FKBP5: variants seen among roughly 807,000 people sequenced by gnomAD.
FKBP5 encodes the protein FKBP prolyl isomerase 5.
In FKBP5, 23 loss-of-function variants were observed where a neutral mutation model predicts 50.5. The ratio of observed to expected loss-of-function variants is 0.46; its 90% CI spans 0.33 to 0.65. The LOEUF (loss-of-function observed/expected upper bound fraction) is 0.65. Among genes scored for constraint, FKBP5 ranks in the 30% least tolerant of loss-of-function variants. The pLI is 0.02. For synonymous variants in FKBP5, 176 were observed against 190.6 expected (o/e 0.92, Z 0.63); for missense variants, 411 against 553.1 (o/e 0.74, Z 2.58).
At chr6:35,659,657 G>T (rs1314614255) in intron 1 of FKBP5, among the ~76,000 whole-genome samples, 1 of 84,972 alleles carries the variant, frequency 1.2e-5, no homozygotes, top group Non-Finnish European at 2.7e-5. Flanking sequence ...GCTGTCTAAT[G>T]TATTACTATA....
Position 35,637,805 on chromosome 6 carries a change from C to T in FKBP5, c.106-647G>A, listed in dbSNP as rs553221021. On this transcript the variant is annotated intron_variant, in intron 2 of 10. Coordinates refer to ENST00000357266, the MANE Select transcript of FKBP5 (RefSeq NM_004117.4). ...GCTTGTGAGCTAGTCCATATACACA[C>T]GGACTTAGACCAGAAAGAATGGTGG... Among the ~76,000 whole-genome samples, 48 of 152,226 alleles carry T rather than the reference C, an allele frequency of 3.2e-4. No individual in the cohort carries two copies. In the East Asian group the frequency reaches 3.9e-3, roughly 12 times the overall value.
At chr6:35,712,576 C>A (rs1440586396) in intron 2 of FKBP5, among the ~76,000 whole-genome samples, 1 of 152,134 alleles carries the variant, frequency 6.6e-6, no homozygotes, top group Non-Finnish European at 1.5e-5. Context: ...CACTACCTGC[C>A]CCTTCACAGC....
At chr6:35,687,062 G>T (rs1270427855) in intron 1 of FKBP5, among the ~76,000 whole-genome samples, 1 of 152,002 alleles carries the variant, frequency 6.6e-6, no homozygotes, top group African/African-American at 2.4e-5. Context: ...TAATTACCTA[G>T]GCAAATAAGT....
At chr6:35,628,944 TA>T (rs1371851674) in intron 3 of FKBP5, among the ~76,000 whole-genome samples, 23 of 152,314 alleles carry the variant, frequency 1.5e-4, no homozygotes, top group Middle Eastern at 3.4e-3. Context: ...CTTGAACTTC[TA>T]AACTCAGGTG....
At chr6:35,588,127 G>GTGAT (rs1762671537) in intron 7 of FKBP5, among the ~76,000 whole-genome samples, 1 of 151,714 alleles carries the variant, frequency 6.6e-6, no homozygotes, top group Admixed American at 6.6e-5. Flanking sequence ...CCGGGTTCAA[G>GTGAT]TGATTCTCCT....
chr6:35,716,861 G>T (rs1376729389), intron 2 of FKBP5, among the ~76,000 whole-genome samples: 1 of 152,152 alleles, frequency 6.6e-6, no homozygotes, highest in South Asian at 2.1e-4. Context: ...ATCAACCTTG[G>T]GATTGAGCCC....
chr6:35,637,247 T>A (rs1209321464), intron 2 of FKBP5, 89 bp from the exon 3 acceptor site: 1 of 1,130,962 alleles, frequency 8.8e-7, no homozygotes, highest in Non-Finnish European at 1.3e-6. Context: ...TCCCAAGACA[T>A]CCAGGCAGAT....
chr6:35,595,699 G>C (rs564165989), intron 6 of FKBP5, among the ~76,000 whole-genome samples: 399 of 152,000 alleles, frequency 2.6e-3, no homozygotes, highest in African/African-American at 8.5e-3. Context: ...TACAGTGAGC[G>C]TGACTGTGCC....
At chr6:35,717,065 C>T (rs987886177) in intron 2 of FKBP5, among the ~76,000 whole-genome samples, 12 of 152,144 alleles carry the variant, frequency 7.9e-5, no homozygotes, top group Non-Finnish European at 1.5e-4. Context: ...CTTACCCCAC[C>T]CCCCGCCATC....
rs7762668 is a variant in FKBP5, at chr6:35,611,745, G to A, written c.508+7351C>T. 6.4e-3 allele frequency among the ~76,000 whole-genome samples: 973 copies of A among 152,214 alleles called. 9 individuals are homozygous for A. Among genetic ancestry groups the A allele is most frequent in the African/African-American group, 0.022 (923 of 41,528 alleles). On this transcript the variant is annotated intron_variant, in intron 5 of 10. Transcript: ENST00000357266. ...CATCTTAACTGACACAAGAAAAAGC[G>A]TAGGGGGACAGATTCTAAAAACTGA...
At chr6:35,608,715 C>T (rs972127685) in intron 5 of FKBP5, among the ~76,000 whole-genome samples, 1 of 152,136 alleles carries the variant, frequency 6.6e-6, no homozygotes, top group Non-Finnish European at 1.5e-5. Flanking sequence ...AGAAAATAAT[C>T]TTAGACAATT....
At chr6:35,713,571 C>T (rs1766455041) in intron 2 of FKBP5, among the ~76,000 whole-genome samples, 1 of 152,186 alleles carries the variant, frequency 6.6e-6, no homozygotes, top group Non-Finnish European at 1.5e-5. Context: ...CTCTAAGTCA[C>T]AGCACCTCTC....
chr6:35,581,968 C>T, intron 8 of FKBP5: 1 of 985,452 alleles, frequency 1.0e-6, no homozygotes, highest in Non-Finnish European at 1.2e-6. Flanking sequence ...TAGAGCAGGT[C>T]TAAGAGGACA....
chr6:35,666,533 T>C (rs997201378), intron 1 of FKBP5, among the ~76,000 whole-genome samples: 17 of 151,176 alleles, frequency 1.1e-4, no homozygotes, highest in African/African-American at 4.1e-4. Flanking sequence ...AGTTTAAGAA[T>C]GCCATGAAGG....
rs796187102 is a variant in FKBP5 at position 35,640,491 on chromosome 6, C to T, written c.105+2229G>A. 3.9e-5 allele frequency among the ~76,000 whole-genome samples: 6 copies of T among 152,272 alleles called. No individual in the cohort carries two copies. In the South Asian group the frequency reaches 8.3e-4, roughly 21 times the overall value. On this transcript the variant is annotated intron_variant, in intron 2 of 10. Coordinates refer to ENST00000357266, the MANE Select transcript of FKBP5 (RefSeq NM_004117.4). ...AGTCAGCGAGTGAGCAGTGAGTGAA[C>T]ATGAAGGCCTAGGATATTACCATAC... is the stretch of plus-strand genomic sequence containing the variant.
At chr6:35,723,099 G>A (rs1003687120) in intron 1 of FKBP5, among the ~76,000 whole-genome samples, 7 of 152,184 alleles carry the variant, frequency 4.6e-5, no homozygotes, top group Non-Finnish European at 1.0e-4. Context: ...TGGGCGTGGT[G>A]GCGGGGGCCT....
chr6:35,677,138 A>G (rs1425132309), intron 1 of FKBP5, among the ~76,000 whole-genome samples: 1 of 152,206 alleles, frequency 6.6e-6, no homozygotes, highest in Non-Finnish European at 1.5e-5. Context: ...CAGTGGCGCA[A>G]TCTCGGCTCA....
At chr6:35,685,060 CAA>C (rs550437689) in intron 1 of FKBP5, among the ~76,000 whole-genome samples, 1 of 130,524 alleles carries the variant, frequency 7.7e-6, no homozygotes, top group Non-Finnish European at 1.7e-5. Context: ...GACCCCGACT[CAA>C]AAAAAAAAAG....
chr6:35,576,115 C>T (rs1295537272), intron 10 of FKBP5, among the ~76,000 whole-genome samples, 173 bp from the exon 11 acceptor site: 1 of 152,102 alleles, frequency 6.6e-6, no homozygotes, highest in Non-Finnish European at 1.5e-5. Context: ...GGGAGCTTCA[C>T]CTTTCTTTGG....
Sources: gnomAD v4.1 joint callset for allele counts (sites outside exome capture counted in the v4.1 genomes callset) on GRCh38, gnomAD v4.1.1 for gene constraint, MANE v1.5 for transcripts, NCBI Gene and HGNC (gene_info 2026-07-23, HGNC 2026-07-21) for gene names.